Variants in INVS observed in about 807,000 individuals in gnomAD.
The protein encoded by INVS is inversin.
In INVS, 86 loss-of-function variants were observed where a neutral mutation model predicts 108.8. The ratio of observed to expected loss-of-function variants is 0.79; its 90% CI spans 0.66 to 0.95. The LOEUF (loss-of-function observed/expected upper bound fraction) is 0.95, where lower values mean the gene tolerates loss of function less well. Among genes scored for constraint, INVS ranks in the 40% least tolerant of loss-of-function variants. The probability of loss-of-function intolerance (pLI) is 0.00; values close to 1 mark genes in which losing one functional copy is unlikely to be tolerated. For synonymous variants in INVS, 455 were observed against 473.5 expected, an observed-to-expected ratio of 0.96 and a Z score of 0.51; for missense variants, 1,169 against 1,297.4, an observed-to-expected ratio of 0.90 and a Z score of 1.52.
chr9:100,176,716 T>C (rs931243234), intron 3 of INVS, among the ~76,000 whole-genome samples: 1 of 152,064 alleles, frequency 6.6e-6, no homozygotes, highest in Non-Finnish European at 1.5e-5. Context: ...GACCTTGTGA[T>C]CCGCCCGCCT....
chr9:100,207,768 T>C lies in INVS; in HGVS notation c.274-18294T>C, dbSNP rs1231601636. On this transcript the variant is annotated intron_variant, in intron 3 of 16. Transcript: ENST00000262457. Reference sequence around the variant, plus strand: ...AGGCTTAGGGTAATAAAATTGTTGGTAACCTTTTTTCTTACTTTGTTTTCC... The same window carrying C: ...AGGCTTAGGGTAATAAAATTGTTGGCAACCTTTTTTCTTACTTTGTTTTCC... Among the ~76,000 whole-genome samples the C allele has an allele frequency of 2.0e-5, 3 of 152,194 alleles. No homozygotes were observed. In the East Asian group the frequency reaches 5.8e-4, roughly 29 times the overall value.
Position 100,174,649 on chromosome 9 carries a change from C to T in INVS, c.273+48100C>T, listed in dbSNP as rs947291840. ...AAAATCTTGGCCAGGCATGGTAGCT[C>T]ATGCCTGTAATCCTGCACTTTGGGA... On this transcript the variant is annotated intron_variant, in intron 3 of 16. Transcript: ENST00000262457. Among the ~76,000 whole-genome samples the T allele has an allele frequency of 2.6e-5, 4 of 152,152 alleles. No individual in the cohort carries two copies. In the South Asian group the frequency reaches 6.2e-4, roughly 24 times the overall value.
intron 3 of INVS, among the ~76,000 whole-genome samples, chr9:100,133,732 C>T (rs545836170): frequency 4.7e-5 from 7 of 147,754 alleles, no homozygotes; most frequent in African/African-American, 1.7e-4. Flanking sequence ...TACATTCACT[C>T]TCGCAAACTA....
intron 12 of INVS, among the ~76,000 whole-genome samples, chr9:100,282,393 C>CT (rs1221621576): frequency 6.6e-6 from 1 of 152,106 alleles, no homozygotes; most frequent in Non-Finnish European, 1.5e-5. Flanking sequence ...CACGACCCAT[C>CT]TGGCCATGTT....
At chr9:100,191,131 T>G (rs1167071960) in intron 3 of INVS, among the ~76,000 whole-genome samples, 1 of 152,146 alleles carries the variant, frequency 6.6e-6, no homozygotes, top group African/African-American at 2.4e-5. Context: ...GAAGTGGTAT[T>G]ACAGGCATTA....
At chr9:100,189,129 G>GTTTTTTTTTTTTTTTTTTTTT (rs1830146419) in intron 3 of INVS, among the ~76,000 whole-genome samples, 1 of 77,220 alleles carries the variant, frequency 1.3e-5, no homozygotes, top group Non-Finnish European at 2.4e-5. Context: ...TTTTTTTTTG[G>GTTTTTTTTTTTTTTTTTTTTT]TTAATATAGC....
Position 100,104,621 on chromosome 9 carries a change from A to C in INVS, c.100A>C (p.Ile34Leu). The change falls in exon 2 of 17, where the codon ATC (isoleucine) becomes CTC (leucine). Residue 34 changes from isoleucine to leucine, a missense_variant. Transcript: ENST00000262457. ...NGDKGALQRL[I>L]VGNSALKDKE... ...AGATAAGGGTGCTCTACAGAGGCTC[A>C]TCGTAGGTAAGCAGTCCCCTTAAGT... The C allele has an allele frequency of 6.2e-7, 1 of 1,609,724 alleles. No individual in the cohort carries two copies. Among genetic ancestry groups the C allele is most frequent in the Non-Finnish European group, 8.5e-7 (1 of 1,175,910 alleles).
intron 3 of INVS, among the ~76,000 whole-genome samples, chr9:100,169,503 T>C (rs963151179): frequency 1.3e-5 from 2 of 152,164 alleles, no homozygotes; most frequent in African/African-American, 4.8e-5. Flanking sequence ...TCATAGAAAT[T>C]GAGCAAATTT....
intron 3 of INVS, among the ~76,000 whole-genome samples, chr9:100,159,750 C>A (rs1268977390): frequency 6.6e-6 from 1 of 152,088 alleles, no homozygotes; most frequent in Non-Finnish European, 1.5e-5. Flanking sequence ...GGTGTCTCTG[C>A]TTGAGTAGTT....
Position 100,301,439 on chromosome 9 carries a change from G to A in INVS, c.*765G>A, listed in dbSNP as rs966244658. 6.6e-6 allele frequency among the ~76,000 whole-genome samples: 1 copy of A among 152,164 alleles called. No homozygotes were observed. Among genetic ancestry groups the A allele is most frequent in the Admixed American group, 6.5e-5 (1 of 15,270 alleles). ...TCAGGTAGGGTTTACAGACCAGACT[G>A]TTCATGCAGCAAGGTGCTAACTCAG... is the stretch of plus-strand genomic sequence containing the variant. On this transcript the variant is annotated 3_prime_UTR_variant, in exon 17 of 17. Transcript: ENST00000262457.
chr9:100,301,047 T>G lies in INVS; in HGVS notation c.*373T>G, dbSNP rs1356073080. On this transcript the variant is annotated 3_prime_UTR_variant, in exon 17 of 17. Transcript: ENST00000262457. ...TGCCAGCTAGCTGGTACTGGCTTCT[T>G]GTTTCAAGAGATGAACCTAAATGAG... 1 of 302,478 alleles carries G rather than the reference T, an allele frequency of 3.3e-6. No homozygotes were observed. Among genetic ancestry groups the G allele is most frequent in the African/African-American group, 2.2e-5 (1 of 46,012 alleles). 18.7% of individuals were successfully genotyped at this position (302,478 alleles called of 1,614,324 possible).
intron 13 of INVS, among the ~76,000 whole-genome samples, chr9:100,290,335 A>T (rs750282650): frequency 6.6e-6 from 1 of 152,292 alleles, no homozygotes; most frequent in East Asian, 1.9e-4. Flanking sequence ...AGATATAGGT[A>T]TATTTTCTTA....
intron 12 of INVS, 61 bp downstream of exon 12, chr9:100,273,137 G>C (rs906275403): frequency 7.5e-7 from 1 of 1,335,050 alleles, no homozygotes; most frequent in Admixed American, 1.7e-5. Context: ...AAGTGGGGGT[G>C]TGGGGGGTGC....
intron 2 of INVS, among the ~76,000 whole-genome samples, chr9:100,123,076 T>C (rs1827778308): frequency 6.6e-6 from 1 of 152,204 alleles, no homozygotes; most frequent in Non-Finnish European, 1.5e-5. Context: ...AATTTATATA[T>C]GGTAGAGCTT....
At chr9:100,107,627 T>A (rs1827220188) in intron 2 of INVS, among the ~76,000 whole-genome samples, 1 of 152,178 alleles carries the variant, frequency 6.6e-6, no homozygotes, top group South Asian at 2.1e-4. Flanking sequence ...ATCCTTGAGA[T>A]TTCAATTTTA....
At chr9:100,144,244 TG>T (rs1335888945) in intron 3 of INVS, among the ~76,000 whole-genome samples, 2 of 152,160 alleles carry the variant, frequency 1.3e-5, no homozygotes, top group African/African-American at 4.8e-5. Flanking sequence ...GTGATGTGGC[TG>T]GGATATGTCT....
At chr9:100,293,121 T>A in intron 14 of INVS, 78 bp downstream of exon 14, 1 of 1,414,388 alleles carries the variant, frequency 7.1e-7, no homozygotes, top group South Asian at 1.2e-5. Context: ...CTCTTTGATG[T>A]TTTCCCAGTG....
intron 2 of INVS, among the ~76,000 whole-genome samples, chr9:100,122,576 CT>C (rs1161036698): frequency 6.4e-4 from 37 of 57,514 alleles, no homozygotes; most frequent in African/African-American, 1.3e-3. Flanking sequence ...AAGTGAGTTT[CT>C]TTTTTTTTTT....
Position 100,301,139 on chromosome 9 carries a change from T to TAACACACA in INVS, c.*465_*466insAACACACA. 1 of 167,002 alleles carries TAACACACA rather than the reference T, an allele frequency of 6.0e-6. No homozygotes were observed. The highest frequency in any genetic ancestry group is 1.1e-5 in the Non-Finnish European group (1 of 89,582). The allele number at this position is 167,002 out of a possible 1,614,324, so 10.3% of individuals were successfully genotyped here. ...CCTGGCATCTAATGCAACAAACTTA[T>TAACACACA]CACACACACACACACACACACACAC... is the stretch of plus-strand genomic sequence containing the variant. On this transcript the variant is annotated 3_prime_UTR_variant, in exon 17 of 17. Transcript: ENST00000262457.
Sources: gnomAD v4.1 joint callset for allele counts (sites outside exome capture counted in the v4.1 genomes callset) on GRCh38, gnomAD v4.1.1 for gene constraint, MANE v1.5 for transcripts, NCBI Gene and HGNC (gene_info 2026-07-23, HGNC 2026-07-21) for gene names.